Variants in ZDHHC1 observed in about 807,000 individuals in gnomAD.
The protein encoded by ZDHHC1 is zDHHC palmitoyltransferase 1.
ZDHHC1 carries 45 observed loss-of-function variants against 46.9 expected under a neutral mutation model. The ratio of observed to expected loss-of-function variants is 0.96; its 90% confidence interval spans 0.76 to 1.23. The LOEUF is 1.23. Among genes scored for constraint, ZDHHC1 ranks in the 50% most tolerant of loss-of-function variants. The probability of loss-of-function intolerance (pLI) is 0.00; values close to 1 mark genes in which losing one functional copy is unlikely to be tolerated. For missense variants in ZDHHC1, 649 were observed against 670.8 expected (o/e 0.97, Z 0.36); for synonymous variants, 291 against 286.0 (o/e 1.02, Z -0.18).
chr16:67,406,404 A>G lies in ZDHHC1; in HGVS notation c.48T>C (p.Pro16=). 6.4e-7 allele frequency: 1 copy of G among 1,568,948 alleles called. No individual in the cohort carries two copies. Among genetic ancestry groups the G allele is most frequent in the Non-Finnish European group, 8.6e-7 (1 of 1,156,608 alleles). ...ICNKPSNKTA[P]EKSVWTAPAQ... ...CCGGTGCCGTCCACACACTCTTCTC[A>G]GGGGCCGTCTTGTTGGAGGGCTTGT... The change falls in exon 3 of 12, where the codon CCT becomes CCC. Residue 16 remains proline (P), a synonymous_variant. Transcript: ENST00000565726. The surrounding 1 kb of genome is among the most constrained non-coding windows in gnomAD (Gnocchi z 4.1).
Position 67,406,441 on chromosome 16 carries a change from A to C in ZDHHC1, c.11T>G (p.Met4Arg). 6.5e-7 allele frequency: 1 copy of C among 1,532,218 alleles called. No individual in the cohort carries two copies. The highest frequency in any genetic ancestry group is 8.8e-7 in the Non-Finnish European group (1 of 1,138,118). 94.9% of individuals were successfully genotyped at this position (1,532,218 alleles called of 1,614,324 possible). Reference sequence around the variant, plus strand: ...GTTGGAGGGCTTGTTGCAGATGTTCATCTCCAGAGGGAGAAACAGTAGAGA... The same window carrying C: ...GTTGGAGGGCTTGTTGCAGATGTTCCTCTCCAGAGGGAGAAACAGTAGAGA... MYK[M>R]NICNKPSNKT... Residue 4 changes from methionine (M) to arginine (R), a missense_variant and splice_region_variant, in exon 3 of 12, where the codon ATG (methionine) becomes AGG (arginine). Coordinates refer to ENST00000565726, the MANE Select transcript of ZDHHC1 (RefSeq NM_001323627.2). The surrounding 1 kb of genome is among the most constrained non-coding windows in gnomAD (Gnocchi z 4.1).
chr16:67,400,379 G>A (rs140345343), intron 4 of ZDHHC1, among the ~76,000 whole-genome samples: 168 of 152,306 alleles, frequency 1.1e-3, no homozygotes, highest in African/African-American at 3.4e-3. Context: ...GGCGCAGCAC[G>A]TAGTGACTCC....
At chr16:67,409,332 A>G (rs560859981) in intron 1 of ZDHHC1, among the ~76,000 whole-genome samples, 1 of 152,064 alleles carries the variant, frequency 6.6e-6, no homozygotes, top group African/African-American at 2.4e-5. Context: ...ATACTCCCTG[A>G]TACTCCAAAT....
chr16:67,409,960 G>A (rs1357613768), intron 1 of ZDHHC1, among the ~76,000 whole-genome samples: 4 of 125,884 alleles, frequency 3.2e-5, no homozygotes, highest in African/African-American at 1.2e-4. Flanking sequence ...ATCCAATGTG[G>A]CAGAACACAG....
At chr16:67,404,787 G>A in intron 3 of ZDHHC1, 1 of 451,590 alleles carries the variant, frequency 2.2e-6, no homozygotes, top group South Asian at 1.6e-5. Context: ...TTCATGTAAA[G>A]TGGCTGACGC....
At chr16:67,412,439 G>A (rs951812154) in intron 1 of ZDHHC1, among the ~76,000 whole-genome samples, 9 of 151,332 alleles carry the variant, frequency 5.9e-5, no homozygotes, top group African/African-American at 2.2e-4. Flanking sequence ...GTGATCTAGA[G>A]CCCTGTTATC....
Position 67,401,054 on chromosome 16 carries a change from G to A in ZDHHC1, c.331C>T (p.Arg111Trp), listed in dbSNP as rs201163108. Residue 111 changes from arginine to tryptophan, a missense_variant, in exon 4 of 12, where the codon CGG becomes TGG. Transcript: ENST00000565726. The surrounding 1 kb of genome is among the most constrained non-coding windows in gnomAD (Gnocchi z 4.6). ...VSIDPADANV[R>W]DKSYAGPLPI... ...AGGGGCCCCGCATAGCTCTTGTCCC[G>A]CACGTTGGCATCTGCTGGATCGATG... 67 of 1,614,100 alleles carry A rather than the reference G, an allele frequency of 4.2e-5. No individual in the cohort carries two copies. The highest frequency in any genetic ancestry group is 5.1e-5 in the Non-Finnish European group (60 of 1,180,034).
intron 1 of ZDHHC1, among the ~76,000 whole-genome samples, chr16:67,412,304 A>T (rs546105480): frequency 1.2e-4 from 18 of 151,526 alleles, no homozygotes; most frequent in East Asian, 9.7e-4. Flanking sequence ...ATATATATAT[A>T]TTTTTATCAT....
intron 2 of ZDHHC1, among the ~76,000 whole-genome samples, 171 bp downstream of exon 2, chr16:67,407,596 G>T (rs571852133): frequency 5.5e-4 from 84 of 152,248 alleles, no homozygotes; most frequent in African/African-American, 1.7e-3. Flanking sequence ...TGAGTCAGGG[G>T]GCCCTTATGC....
rs1208674228 is a variant in ZDHHC1, at chr16:67,401,016, G to A, written c.369C>T (p.Asn123=). The A allele has an allele frequency of 1.2e-6, 2 of 1,614,062 alleles. No individual in the cohort carries two copies. Among genetic ancestry groups the A allele is most frequent in the Non-Finnish European group, 8.5e-7 (1 of 1,180,052 alleles). Residue 123 remains asparagine, a synonymous_variant, in exon 4 of 12, where the codon AAC becomes AAT. Transcript: ENST00000565726. The surrounding 1 kb of genome is among the most constrained non-coding windows in gnomAD (Gnocchi z 4.6). ...KSYAGPLPIF[N]RSQHAHVIED... is the part of the protein sequence containing the mutation. ...CAATGACATGTGCGTGCTGGCTTCG[G>A]TTGAAGATGGGCAGGGGCCCCGCAT...
At chr16:67,398,497 T>C in intron 7 of ZDHHC1, 76 bp downstream of exon 7, 1 of 1,538,374 alleles carries the variant, frequency 6.5e-7, no homozygotes, top group East Asian at 2.4e-5. Flanking sequence ...GGTTTCAGGG[T>C]CCACCGTCCA....
At chr16:67,399,519 T>C in intron 4 of ZDHHC1, 63 bp from the exon 5 acceptor site, 1 of 1,441,964 alleles carries the variant, frequency 6.9e-7, no homozygotes. Context: ...GCCCGGCCGG[T>C]CGGGGTGGTT....
Position 67,401,062 on chromosome 16 carries a change from G to C in ZDHHC1, c.323C>G (p.Ala108Gly). Residue 108 changes from alanine (A) to glycine (G), a missense_variant, in exon 4 of 12, where the codon GCC becomes GGC. By Grantham distance (60) the Ala-to-Gly change is moderately conservative. Coordinates refer to ENST00000565726, the MANE Select transcript of ZDHHC1 (RefSeq NM_001323627.2). This position sits in a 1 kb window ranked among gnomAD's most constrained non-coding sequence, Gnocchi z 4.6. ...LTAVSIDPAD[A>G]NVRDKSYAGP... The stretch of plus-strand genomic sequence containing the variant: ...CGCATAGCTCTTGTCCCGCACGTTG[G>C]CATCTGCTGGATCGATGGAGACGGC... The C allele has an allele frequency of 6.2e-7, 1 of 1,614,132 alleles. No homozygotes were observed. The highest frequency in any genetic ancestry group is 8.5e-7 in the Non-Finnish European group (1 of 1,180,034).
intron 4 of ZDHHC1, 43 bp from the exon 5 acceptor site, chr16:67,399,499 C>T: frequency 2.6e-6 from 4 of 1,544,104 alleles, no homozygotes; most frequent in Admixed American, 1.7e-5. Context: ...GGCTCATTCC[C>T]CGCTCTGCGG....
rs1356137465 is a variant in ZDHHC1, at chr16:67,407,755, C to T, written c.9+12G>A. ...CCCCTATGTCCCTTCCCCCAGGCAC[C>T]CAAAATTGTACCTTGTACATAGTAG... On this transcript the variant is annotated intron_variant, in intron 2 of 11. Transcript: ENST00000565726. The T allele has an allele frequency of 6.4e-6, 5 of 780,810 alleles. No homozygotes were observed. Among genetic ancestry groups the T allele is most frequent in the Non-Finnish European group, 1.2e-5 (5 of 418,068 alleles). 48.4% of individuals were successfully genotyped at this position (780,810 alleles called of 1,614,324 possible).
At chr16:67,411,393 C>T (rs1438299322) in intron 1 of ZDHHC1, among the ~76,000 whole-genome samples, 1 of 152,174 alleles carries the variant, frequency 6.6e-6, no homozygotes, top group Non-Finnish European at 1.5e-5. Flanking sequence ...AGGGCTGAGC[C>T]TGGAGTAGAG....
At chr16:67,403,345 ATTAAGATCTGTGCATTTTCTTTGT>A (rs2040588770) in intron 3 of ZDHHC1, among the ~76,000 whole-genome samples, 1 of 152,242 alleles carries the variant, frequency 6.6e-6, no homozygotes, top group South Asian at 2.1e-4. Flanking sequence ...TAGAAGGAAC[ATTAAGATCTGTGCATTTTCTTTGT>A]TAACTATCCT....
chr16:67,399,264 C>T (rs1597535697), intron 5 of ZDHHC1, 91 bp downstream of exon 5: 10 of 1,210,316 alleles, frequency 8.3e-6, no homozygotes, highest in African/African-American at 1.5e-5. Context: ...CATCCCCATC[C>T]CCGCCCGCCT....
intron 7 of ZDHHC1, 80 bp from the exon 8 acceptor site, chr16:67,398,404 AGGCTGAAACCAGT>A: frequency 1.3e-6 from 2 of 1,537,818 alleles, no homozygotes; most frequent in Admixed American, 3.5e-5. Flanking sequence ...AACCAGCCCC[AGGCTGAAACCAGT>A]GTCCCCAAAT....
Sources: gnomAD v4.1 joint callset for allele counts (sites outside exome capture counted in the v4.1 genomes callset) on GRCh38, gnomAD v4.1.1 for gene constraint, Gnocchi (gnomAD v3.1) non-coding constraint, MANE v1.5 for transcripts, NCBI Gene and HGNC (gene_info 2026-07-23, HGNC 2026-07-21) for gene names.